The following NAALADL2 variants were observed in gnomAD, a reference collection of about 807,000 sequenced individuals.
The protein encoded by NAALADL2 is N-acetylated alpha-linked acidic dipeptidase like 2, also known as inactive N-acetylated-alpha-linked acidic dipeptidase-like protein 2.
A neutral mutation model predicts 87.2 loss-of-function variants in NAALADL2; 76 were observed. The ratio of observed to expected loss-of-function variants is 0.87; its 90% CI spans 0.72 to 1.05. The LOEUF is 1.05. Among genes scored for constraint, NAALADL2 ranks in the 50% least tolerant of loss-of-function variants. The probability of loss-of-function intolerance (pLI) is 0.00; values close to 1 mark genes in which losing one functional copy is unlikely to be tolerated. For synonymous variants in NAALADL2, 354 were observed against 331.0 expected (o/e 1.07, Z -0.75); for missense variants, 1,089 against 945.8 (o/e 1.15, Z -1.99).
intron 6 of NAALADL2, among the ~76,000 whole-genome samples, chr3:175,450,551 A>G (rs1721410806): frequency 6.6e-6 from 1 of 152,190 alleles, no homozygotes; most frequent in Non-Finnish European, 1.5e-5. Flanking sequence ...TACCAAATCA[A>G]GGACTACATT....
intron 2 of NAALADL2, among the ~76,000 whole-genome samples, chr3:174,736,285 AC>A (rs34057911): frequency 4.6e-5 from 7 of 151,906 alleles, no homozygotes; most frequent in African/African-American, 1.5e-4. Context: ...TACCTCCTTT[AC>A]CCCTGCCATT....
intron 1 of NAALADL2, among the ~76,000 whole-genome samples, chr3:174,528,169 C>G (rs1026008711): frequency 1.2e-4 from 18 of 152,120 alleles, no homozygotes; most frequent in Admixed American, 1.2e-3. Flanking sequence ...TGTACTATCT[C>G]TTTTGAGAAT....
At chr3:174,777,551 C>A (rs898257287) in intron 3 of NAALADL2, among the ~76,000 whole-genome samples, 5 of 151,996 alleles carry the variant, frequency 3.3e-5, no homozygotes, top group African/African-American at 9.7e-5. Context: ...GGGGGATAAA[C>A]AAAAGTACAT....
chr3:174,540,319 C>G (rs559774664), intron 1 of NAALADL2, among the ~76,000 whole-genome samples: 2 of 152,306 alleles, frequency 1.3e-5, no homozygotes, highest in South Asian at 4.1e-4. Context: ...GCAGCAGAGA[C>G]TCCCTTGTTT....
intron 13 of NAALADL2, among the ~76,000 whole-genome samples, chr3:175,779,078 T>C (rs3114967): frequency 0.46 from 70,547 of 151,944 alleles, 16,463 homozygotes; most frequent in South Asian, 0.55. Flanking sequence ...CTAGGGCAGT[T>C]AGTTGTGGAA....
At chr3:174,824,528 T>C (rs370166588) in intron 3 of NAALADL2, among the ~76,000 whole-genome samples, 10 of 152,352 alleles carry the variant, frequency 6.6e-5, no homozygotes, top group Admixed American at 2.0e-4. Flanking sequence ...TTTTGAGTTA[T>C]ACACATCTAC....
chr3:175,340,833 A>G (rs1220610113), intron 5 of NAALADL2, among the ~76,000 whole-genome samples: 1 of 152,192 alleles, frequency 6.6e-6, no homozygotes, highest in Non-Finnish European at 1.5e-5. Flanking sequence ...CAAAACAAAG[A>G]GTCCCTCTAT....
At chr3:175,148,956 G>A (rs1164105885) in intron 2 of NAALADL2, among the ~76,000 whole-genome samples, 3 of 152,062 alleles carry the variant, frequency 2.0e-5, no homozygotes, top group Non-Finnish European at 4.4e-5. Context: ...CCATATGAAT[G>A]TTAGAAAATG....
chr3:175,062,664 C>T (rs990830227), intron 1 of NAALADL2, among the ~76,000 whole-genome samples: 7 of 152,110 alleles, frequency 4.6e-5, no homozygotes, highest in African/African-American at 7.2e-5. Flanking sequence ...GTCTCTATAA[C>T]GGGGCTAATT....
chr3:175,758,865 A>G (rs1747613982), intron 13 of NAALADL2, among the ~76,000 whole-genome samples: 1 of 152,134 alleles, frequency 6.6e-6, no homozygotes, highest in Admixed American at 6.5e-5. Context: ...CACTGGGCAT[A>G]CAGAATTCTC....
At chr3:175,592,980 A>G (rs1721738091) in intron 10 of NAALADL2, among the ~76,000 whole-genome samples, 1 of 152,004 alleles carries the variant, frequency 6.6e-6, no homozygotes, top group Admixed American at 6.6e-5. Flanking sequence ...CCATGCTTTC[A>G]TTGAACAATT....
At chr3:175,219,568 C>T (rs531238367) in intron 2 of NAALADL2, among the ~76,000 whole-genome samples, 1 of 152,156 alleles carries the variant, frequency 6.6e-6, no homozygotes, top group Non-Finnish European at 1.5e-5. Context: ...TCCTCGTTAG[C>T]GGTTTCTCTT....
intron 2 of NAALADL2, among the ~76,000 whole-genome samples, chr3:175,103,796 G>C (rs1418863833): frequency 6.6e-6 from 1 of 152,132 alleles, no homozygotes; most frequent in African/African-American, 2.4e-5. Flanking sequence ...TGACCACTCT[G>C]TAATGCCAAA....
intron 1 of NAALADL2, among the ~76,000 whole-genome samples, chr3:174,545,498 T>C (rs892914132): frequency 1.3e-5 from 2 of 152,230 alleles, no homozygotes; most frequent in Admixed American, 1.3e-4. Context: ...CATAGGCAGC[T>C]GCTTCTCAGA....
intron 11 of NAALADL2, among the ~76,000 whole-genome samples, chr3:175,638,860 A>T (rs1225973093): frequency 6.6e-6 from 1 of 152,196 alleles, no homozygotes; most frequent in Admixed American, 6.5e-5. Context: ...AATAATGATA[A>T]AATATTGACC....
intron 2 of NAALADL2, among the ~76,000 whole-genome samples, chr3:175,139,113 T>C (rs1299423789): frequency 6.6e-6 from 1 of 151,606 alleles, no homozygotes; most frequent in Non-Finnish European, 1.5e-5. Flanking sequence ...TCAGGAATAT[T>C]CTGTTTGAAA....
intron 2 of NAALADL2, among the ~76,000 whole-genome samples, chr3:175,193,586 C>A (rs1296345144): frequency 2.0e-5 from 3 of 151,688 alleles, no homozygotes; most frequent in African/African-American, 7.3e-5. Flanking sequence ...ACAACATAGC[C>A]CTCCCTATCC....
chr3:175,587,643 A>G (rs755361217), intron 10 of NAALADL2, among the ~76,000 whole-genome samples: 10 of 152,168 alleles, frequency 6.6e-5, no homozygotes, highest in Middle Eastern at 3.2e-3. Context: ...TTAAAATTTA[A>G]TGTTCTTAGA....
Position 175,637,608 on chromosome 3 carries a change from C to T in NAALADL2, c.1896+10222C>T, listed in dbSNP as rs1728729028. Among the ~76,000 whole-genome samples, 5 of 152,160 alleles carry T rather than the reference C, an allele frequency of 3.3e-5. No individual in the cohort carries two copies. In the South Asian group the frequency reaches 1.0e-3, roughly 32 times the overall value. On this transcript the variant is annotated intron_variant, in intron 11 of 13. Transcript: ENST00000454872. ...GTCCCCTCTTGCTCTCTTGCTTGCT[C>T]TCACCATGTGATCTCTGCACATGCC...
Sources: gnomAD v4.1 joint callset for allele counts (sites outside exome capture counted in the v4.1 genomes callset) on GRCh38, gnomAD v4.1.1 for gene constraint, MANE v1.5 for transcripts, NCBI Gene and HGNC (gene_info 2026-07-23, HGNC 2026-07-21) for gene names.